Variants in BCR observed in about 807,000 individuals in gnomAD.
The protein encoded by BCR is BCR activator of RhoGEF and GTPase.
BCR carries 58 observed loss-of-function variants against 138.6 expected under a neutral mutation model. That is an observed-to-expected ratio of 0.42 (90% confidence interval 0.34 to 0.52). The LOEUF (loss-of-function observed/expected upper bound fraction) is 0.52, where lower values mean the gene tolerates loss of function less well. Among genes scored for constraint, BCR ranks in the 20% least tolerant of loss-of-function variants. The pLI is 0.06. For synonymous variants in BCR, 786 were observed against 730.1 expected (o/e 1.08, Z -1.23); for missense variants, 1,599 against 1,727.2 (o/e 0.93, Z 1.32).
At chr22:23,281,603 C>T (rs2073646067) in intron 8 of BCR, among the ~76,000 whole-genome samples, 1 of 149,288 alleles carries the variant, frequency 6.7e-6, no homozygotes, top group South Asian at 2.1e-4. Flanking sequence ...GACTGCAGAG[C>T]GGGGCCTGAG....
intron 1 of BCR, among the ~76,000 whole-genome samples, chr22:23,246,374 G>A (rs2073157034): frequency 6.6e-6 from 1 of 152,206 alleles, no homozygotes; most frequent in African/African-American, 2.4e-5. Context: ...CGAGACTATG[G>A]TGAGCAATGC....
At chr22:23,272,741 T>C (rs1386503945) in intron 6 of BCR, among the ~76,000 whole-genome samples, 1 of 152,076 alleles carries the variant, frequency 6.6e-6, no homozygotes, top group African/African-American at 2.4e-5. Flanking sequence ...CAGGTCTCCC[T>C]CCAGAATTGG....
intron 1 of BCR, among the ~76,000 whole-genome samples, chr22:23,221,702 AT>A (rs1369024707): frequency 2.6e-5 from 4 of 152,150 alleles, no homozygotes; most frequent in Non-Finnish European, 5.9e-5. Flanking sequence ...GGCAAGAGTC[AT>A]TTTTGTTTTC....
intron 1 of BCR, among the ~76,000 whole-genome samples, chr22:23,242,554 G>A (rs763299200): frequency 5.3e-5 from 8 of 152,176 alleles, no homozygotes; most frequent in African/African-American, 1.7e-4. Flanking sequence ...CAGGAAAGCC[G>A]GCAGCTGAGT....
intron 13 of BCR, 90 bp downstream of exon 13, chr22:23,289,711 T>G: frequency 9.1e-7 from 1 of 1,093,388 alleles, no homozygotes; most frequent in Non-Finnish European, 1.4e-6. Flanking sequence ...TTAGCACTTT[T>G]GATGGGACTA....
intron 8 of BCR, among the ~76,000 whole-genome samples, chr22:23,281,005 G>A (rs558389211): frequency 6.6e-6 from 1 of 152,306 alleles, no homozygotes; most frequent in Middle Eastern, 3.4e-3. Flanking sequence ...TGAGACACAC[G>A]GGCACACACC....
chr22:23,196,850 T>C (rs553548451), intron 1 of BCR, among the ~76,000 whole-genome samples: 3 of 152,296 alleles, frequency 2.0e-5, no homozygotes, highest in East Asian at 3.9e-4. Flanking sequence ...AGCGTCACTC[T>C]CCGCCTACCG....
chr22:23,236,067 G>A (rs2073019594), intron 1 of BCR, among the ~76,000 whole-genome samples: 1 of 152,232 alleles, frequency 6.6e-6, no homozygotes, highest in African/African-American at 2.4e-5. Context: ...GCATATGGGA[G>A]CTGACTCTCT....
At chr22:23,271,164 C>T (rs2073505277) in intron 5 of BCR, among the ~76,000 whole-genome samples, 1 of 152,204 alleles carries the variant, frequency 6.6e-6, no homozygotes, top group African/African-American at 2.4e-5. Context: ...CTTGGCAATG[C>T]CTGGAGACAT....
chr22:23,296,232 G>A (rs868140967), intron 16 of BCR, among the ~76,000 whole-genome samples: 13 of 152,228 alleles, frequency 8.5e-5, no homozygotes, highest in Middle Eastern at 3.4e-3. Flanking sequence ...AAATTAGCCA[G>A]GCGTGGTGGC....
chr22:23,256,684 A>G (rs963162812), intron 2 of BCR, among the ~76,000 whole-genome samples: 1 of 151,992 alleles, frequency 6.6e-6, no homozygotes, highest in Non-Finnish European at 1.5e-5. Flanking sequence ...GGGCTCCCCC[A>G]GATTAGGGGG....
chr22:23,304,650 G>A (rs144996860), intron 16 of BCR, among the ~76,000 whole-genome samples: 82 of 152,256 alleles, frequency 5.4e-4, no homozygotes, highest in African/African-American at 1.7e-3. Flanking sequence ...ACTGCCCTAC[G>A]TTGTCTGGAG....
At chr22:23,273,052 C>G (rs751174602) in intron 6 of BCR, 29 bp from the exon 7 acceptor site, 1 of 1,608,846 alleles carries the variant, frequency 6.2e-7, no homozygotes, top group South Asian at 1.1e-5. Context: ...CCATGTGCAA[C>G]CTCTCTCACC....
rs892195859 is a variant in BCR at position 23,290,503 on chromosome 22, G to A, written c.2782+90G>A. Reference sequence around the variant, plus strand: ...CATCGGGCAGGGTGTGGGGAAACAGGGAGGTTGTTCAGATGACCACGGGAC... The same window carrying A: ...CATCGGGCAGGGTGTGGGGAAACAGAGAGGTTGTTCAGATGACCACGGGAC... On this transcript the variant is annotated intron_variant, in intron 14 of 22. Transcript: ENST00000305877. The A allele has an allele frequency of 7.3e-6, 10 of 1,378,944 alleles. No individual in the cohort carries two copies. The African/African-American group carries it at 1.1e-4, about 16-fold the overall frequency. 85.4% of individuals were successfully genotyped at this position (1,378,944 alleles called of 1,614,324 possible). A position where few individuals can be genotyped will look rare whatever the true frequency, so the allele number is the denominator to read the frequency against.
intron 4 of BCR, among the ~76,000 whole-genome samples, chr22:23,266,513 C>A (rs1331981185): frequency 6.6e-6 from 1 of 152,152 alleles, no homozygotes; most frequent in Non-Finnish European, 1.5e-5. Context: ...TCTCAGCCTC[C>A]CGAGTGGCTG....
In BCR at chr22:23,288,320, G is replaced by A. The variant is rs537196731; in HGVS notation, c.2602+148G>A. The stretch of plus-strand genomic sequence containing the variant: ...GAGGGCTAATTTAGAAAAGAAGTTG[G>A]CGACAGCCATCCCGATAGGCCCCCA... On this transcript the variant is annotated intron_variant, in intron 12 of 22. Transcript: ENST00000305877. The A allele has an allele frequency of 8.3e-6, 7 of 840,480 alleles. No individual in the cohort carries two copies. The African/African-American group carries it at 1.2e-4, about 14-fold the overall frequency. 52.1% of individuals were successfully genotyped at this position (840,480 alleles called of 1,614,324 possible).
intron 16 of BCR, among the ~76,000 whole-genome samples, chr22:23,304,404 A>T (rs751748631): frequency 2.0e-5 from 3 of 152,044 alleles, no homozygotes; most frequent in Non-Finnish European, 2.9e-5. Flanking sequence ...TTCATGTGGT[A>T]GCATTGTTTG....
chr22:23,292,472 G>C (rs1169453749), intron 14 of BCR, 69 bp from the exon 15 acceptor site: 1 of 1,083,654 alleles, frequency 9.2e-7, no homozygotes, highest in Non-Finnish European at 1.4e-6. Flanking sequence ...AATAACACCT[G>C]CTCTTACAGA....
At chr22:23,315,308 C>G (rs180811) in intron 22 of BCR, 125 bp from the exon 23 acceptor site, 265,814 of 719,906 alleles carry the variant, frequency 0.37, 49,803 homozygotes, top group East Asian at 0.57. Flanking sequence ...GTAAGGGGTT[C>G]ATGACACCAG....
Sources: gnomAD v4.1 joint callset for allele counts (sites outside exome capture counted in the v4.1 genomes callset) on GRCh38, gnomAD v4.1.1 for gene constraint, MANE v1.5 for transcripts, NCBI Gene and HGNC (gene_info 2026-07-23, HGNC 2026-07-21) for gene names.